Variants in LRBA observed in about 807,000 individuals in gnomAD.
LRBA encodes the protein LPS responsive beige-like anchor protein, also known as lipopolysaccharide-responsive and beige-like anchor protein.
A neutral mutation model predicts 330.0 loss-of-function variants in LRBA; 176 were observed. The ratio of observed to expected loss-of-function variants is 0.53; its 90% CI spans 0.47 to 0.60. LRBA has a LOEUF of 0.60. LRBA is among the 20% of genes least tolerant of loss of function. The pLI is 0.00. For synonymous variants in LRBA, 1,230 were observed against 1,193.0 expected (o/e 1.03, Z -0.64); for missense variants, 3,259 against 3,444.8 (o/e 0.95, Z 1.35).
chr4:150,473,199 T>G (rs1050996555), intron 42 of LRBA, among the ~76,000 whole-genome samples: 1 of 152,196 alleles, frequency 6.6e-6, no homozygotes, highest in Non-Finnish European at 1.5e-5. Flanking sequence ...TTTTAATGTA[T>G]GTTGTTGAGC....
chr4:150,329,585 C>T (rs1448671084), intron 48 of LRBA, among the ~76,000 whole-genome samples: 1 of 151,918 alleles, frequency 6.6e-6, no homozygotes, highest in East Asian at 1.9e-4. Context: ...ATTCACTCAA[C>T]TTAAGCTTGC....
At chr4:150,937,687 A>G (rs1579259757) in intron 2 of LRBA, among the ~76,000 whole-genome samples, 1 of 152,142 alleles carries the variant, frequency 6.6e-6, no homozygotes. Context: ...TCAGGGTGGC[A>G]TAACATGCTT....
At chr4:150,505,830 C>T (rs1760997244) in intron 40 of LRBA, among the ~76,000 whole-genome samples, 1 of 152,012 alleles carries the variant, frequency 6.6e-6, no homozygotes, top group Non-Finnish European at 1.5e-5. Context: ...TATTAGACCA[C>T]TAGCAAGAAT....
chr4:150,809,501 A>ACAAGGGGAG (rs1431261712), intron 31 of LRBA, among the ~76,000 whole-genome samples: 1 of 152,212 alleles, frequency 6.6e-6, no homozygotes, highest in East Asian at 1.9e-4. Flanking sequence ...GCTCCCACTG[A>ACAAGGGGAG]TCAAATACCA....
chr4:150,488,867 A>G (rs568738198), intron 41 of LRBA, among the ~76,000 whole-genome samples: 1 of 137,760 alleles, frequency 7.3e-6, no homozygotes, highest in East Asian at 2.2e-4. Context: ...CACCTATAAC[A>G]TATTTAGTAA....
intron 52 of LRBA, among the ~76,000 whole-genome samples, chr4:150,307,799 T>G (rs934276373): frequency 5.3e-5 from 8 of 152,160 alleles, no homozygotes; most frequent in African/African-American, 1.7e-4. Flanking sequence ...GAGGAGTGTT[T>G]AGGTTCAATA....
At chr4:150,903,044 C>T (rs1730927016) in intron 13 of LRBA, among the ~76,000 whole-genome samples, 1 of 152,090 alleles carries the variant, frequency 6.6e-6, no homozygotes. Context: ...AATGGGAAAC[C>T]ATTAAAACTG....
At chr4:150,410,385 A>G (rs966971497) in intron 47 of LRBA, among the ~76,000 whole-genome samples, 2 of 152,190 alleles carry the variant, frequency 1.3e-5, no homozygotes, top group Admixed American at 6.5e-5. Flanking sequence ...AAAGGACAGC[A>G]TCTCTTTTAA....
chr4:150,571,291 C>T (rs1769809242), intron 40 of LRBA, among the ~76,000 whole-genome samples: 1 of 151,922 alleles, frequency 6.6e-6, no homozygotes, highest in Non-Finnish European at 1.5e-5. Flanking sequence ...GCAAGATTCT[C>T]AGGTAAATCT....
Position 151,014,764 on chromosome 4 carries a change from C to T in LRBA, c.-122G>A. 2 of 642,576 alleles carry T rather than the reference C, an allele frequency of 3.1e-6. No individual in the cohort carries two copies. Among genetic ancestry groups the T allele is most frequent in the Non-Finnish European group, 5.4e-6 (2 of 370,726 alleles). 39.8% of individuals were successfully genotyped at this position (642,576 alleles called of 1,614,324 possible). On this transcript the variant is annotated 5_prime_UTR_variant, in exon 2 of 57. Transcript: ENST00000651943. ...CCCTCTTCCAACTTGTGGAGATACCCCAAAGCAGTTGATGTGGAAAGTCCT... is the reference window on the plus strand; with the variant it reads ...CCCTCTTCCAACTTGTGGAGATACCTCAAAGCAGTTGATGTGGAAAGTCCT...
chr4:150,285,514 C>T (rs998969849), intron 54 of LRBA, among the ~76,000 whole-genome samples: 3 of 152,294 alleles, frequency 2.0e-5, no homozygotes, highest in East Asian at 1.9e-4. Flanking sequence ...AGATATAAGA[C>T]GGAACCTGGC....
intron 35 of LRBA, among the ~76,000 whole-genome samples, chr4:150,755,255 A>G (rs930847802): frequency 6.6e-6 from 1 of 152,246 alleles, no homozygotes; most frequent in African/African-American, 2.4e-5. Context: ...TCGAAGCATT[A>G]TGTCTTTTAT....
chr4:150,506,404 G>C (rs373869113), intron 40 of LRBA, among the ~76,000 whole-genome samples: 16 of 152,300 alleles, frequency 1.1e-4, no homozygotes, highest in Middle Eastern at 3.4e-3. Flanking sequence ...TCATCCCTGA[G>C]ATGCAAGGCT....
At chr4:150,799,015 ACT>A (rs1443091227) in intron 33 of LRBA, among the ~76,000 whole-genome samples, 1 of 151,336 alleles carries the variant, frequency 6.6e-6, no homozygotes, top group Non-Finnish European at 1.5e-5. Context: ...CCCGAAGAAA[ACT>A]CTTCCAGGTA....
At chr4:150,850,986 T>A (rs1578994225) in intron 23 of LRBA, 84 bp from the exon 24 acceptor site, 1 of 933,784 alleles carries the variant, frequency 1.1e-6, no homozygotes, top group Admixed American at 2.6e-5. Context: ...GTAGCTTCTA[T>A]GCAATTCATC....
intron 40 of LRBA, among the ~76,000 whole-genome samples, chr4:150,538,868 G>C (rs1016849663): frequency 1.3e-5 from 2 of 151,174 alleles, no homozygotes; most frequent in Middle Eastern, 3.2e-3. Flanking sequence ...TCACTACCTA[G>C]GTGACAGGAT....
intron 37 of LRBA, among the ~76,000 whole-genome samples, chr4:150,669,495 T>C (rs748850697): frequency 1.3e-5 from 2 of 152,158 alleles, no homozygotes; most frequent in African/African-American, 4.8e-5. Flanking sequence ...CTCCTTGTTT[T>C]TCATGAACTT....
At chr4:150,808,581 T>C (rs1743148744) in intron 31 of LRBA, among the ~76,000 whole-genome samples, 183 bp from the exon 32 acceptor site, 1 of 152,230 alleles carries the variant, frequency 6.6e-6, no homozygotes, top group Non-Finnish European at 1.5e-5. Context: ...AAACCTCAGC[T>C]ACAAGCTCAA....
At chr4:150,493,603 T>C (rs996521611) in intron 40 of LRBA, among the ~76,000 whole-genome samples, 1 of 152,198 alleles carries the variant, frequency 6.6e-6, no homozygotes, top group Admixed American at 6.5e-5. Context: ...TGGATCTGTA[T>C]GCCACATGGT....
Sources: gnomAD v4.1 joint callset for allele counts (sites outside exome capture counted in the v4.1 genomes callset) on GRCh38, gnomAD v4.1.1 for gene constraint, MANE v1.5 for transcripts, NCBI Gene and HGNC (gene_info 2026-07-23, HGNC 2026-07-21) for gene names.